The following TRABD2B variants were observed in gnomAD, a reference collection of about 807,000 sequenced individuals.
TRABD2B encodes the protein TraB domain containing 2B, also known as metalloprotease TIKI2.
Under a neutral mutation model 40.1 loss-of-function variants are expected in TRABD2B, and 14 were observed. That is an observed-to-expected ratio of 0.35 (90% CI 0.23 to 0.55). The LOEUF (loss-of-function observed/expected upper bound fraction) is 0.55. Among genes scored for constraint, TRABD2B ranks in the 20% least tolerant of loss-of-function variants. TRABD2B has a pLI of 0.90. For missense variants in TRABD2B, 541 were observed against 648.6 expected (o/e 0.83, Z 1.80); for synonymous variants, 263 against 277.0 (o/e 0.95, Z 0.50).
chr1:47,838,929 G>A (rs1645356018), intron 2 of TRABD2B, among the ~76,000 whole-genome samples: 1 of 152,222 alleles, frequency 6.6e-6, no homozygotes, highest in South Asian at 2.1e-4. Context: ...GAAAGCTGGA[G>A]CTCCAGCTGG....
At chr1:47,850,023 C>A (rs965786615) in intron 2 of TRABD2B, among the ~76,000 whole-genome samples, 2 of 152,244 alleles carry the variant, frequency 1.3e-5, no homozygotes, top group African/African-American at 4.8e-5. Context: ...AGATCAAATT[C>A]CCCTGCCTTG....
At chr1:47,950,991 C>G (rs535888979) in intron 2 of TRABD2B, among the ~76,000 whole-genome samples, 2 of 152,342 alleles carry the variant, frequency 1.3e-5, no homozygotes, top group South Asian at 4.1e-4. Flanking sequence ...GTGCCCCACA[C>G]AGAGCAGGCC....
At chr1:47,881,169 G>A (rs140268383) in intron 2 of TRABD2B, among the ~76,000 whole-genome samples, 48 of 152,274 alleles carry the variant, frequency 3.2e-4, no homozygotes, top group African/African-American at 1.1e-3. Context: ...GATCAACTTG[G>A]GTTGCAGTGG....
chr1:47,836,823 A>G (rs1455530735), intron 2 of TRABD2B, among the ~76,000 whole-genome samples: 1 of 152,184 alleles, frequency 6.6e-6, no homozygotes, highest in Non-Finnish European at 1.5e-5. Context: ...CAGCTAGAAG[A>G]CTGCCTTTTA....
intron 2 of TRABD2B, among the ~76,000 whole-genome samples, chr1:47,840,059 G>T (rs971900762): frequency 2.6e-5 from 4 of 152,158 alleles, no homozygotes; most frequent in African/African-American, 9.7e-5. Flanking sequence ...GGCCTGGGGT[G>T]CAGCCCAGGG....
chr1:47,867,854 A>G (rs539681037), intron 2 of TRABD2B, among the ~76,000 whole-genome samples: 1 of 152,350 alleles, frequency 6.6e-6, no homozygotes, highest in African/African-American at 2.4e-5. Context: ...ATGTGGCTGG[A>G]ATCAATAACA....
chr1:47,997,084 G>A lies in TRABD2B; in HGVS notation c.-295C>T. The A allele has an allele frequency of 1.0e-6, 1 of 984,036 alleles. No homozygotes were observed. Among genetic ancestry groups the A allele is most frequent in the Non-Finnish European group, 1.2e-6 (1 of 829,072 alleles). The allele number at this position is 984,036 out of a possible 1,614,324, so 61.0% of individuals were successfully genotyped here. A position where few individuals can be genotyped will look rare whatever the true frequency, so the allele number is the denominator to read the frequency against. On this transcript the variant is annotated 5_prime_UTR_variant, in exon 1 of 7. Transcript: ENST00000606738. ...GCGTGTTGGGGTCCGGGGGCGCGCG[G>A]GGTCCCGGAGCTGCGTCGCGGTCCA...
chr1:47,936,994 TCAC>T (rs1300819990), intron 2 of TRABD2B, among the ~76,000 whole-genome samples: 36 of 147,800 alleles, frequency 2.4e-4, no homozygotes, highest in East Asian at 1.0e-3. Flanking sequence ...ACCATCATGA[TCAC>T]CACCATCACC....
At chr1:47,893,877 A>G (rs1644482660) in intron 2 of TRABD2B, among the ~76,000 whole-genome samples, 1 of 152,040 alleles carries the variant, frequency 6.6e-6, no homozygotes, top group African/African-American at 2.4e-5. Context: ...CTGCTTCAGG[A>G]TCCTGGCTTT....
chr1:47,977,395 G>A (rs1326072383), intron 2 of TRABD2B, among the ~76,000 whole-genome samples: 1 of 152,112 alleles, frequency 6.6e-6, no homozygotes, highest in African/African-American at 2.4e-5. Context: ...TTTAATATGT[G>A]AGTTAGAAGG....
At chr1:47,959,871 T>A (rs1169302605) in intron 2 of TRABD2B, among the ~76,000 whole-genome samples, 2 of 152,152 alleles carry the variant, frequency 1.3e-5, no homozygotes, top group African/African-American at 4.8e-5. Context: ...GAGGCCAGCA[T>A]CATCCTCATA....
chr1:47,909,619 C>T (rs1323073336), intron 2 of TRABD2B, among the ~76,000 whole-genome samples: 1 of 149,488 alleles, frequency 6.7e-6, no homozygotes, highest in Non-Finnish European at 1.5e-5. Flanking sequence ...CTCTTTTAAA[C>T]GACCGGATCT....
intron 2 of TRABD2B, among the ~76,000 whole-genome samples, chr1:47,941,039 C>G (rs984378183): frequency 6.6e-6 from 1 of 152,168 alleles, no homozygotes; most frequent in Non-Finnish European, 1.5e-5. Context: ...CCCAAAACAT[C>G]TTGTGCTTCT....
chr1:47,812,328 C>T (rs1644976129), intron 2 of TRABD2B, among the ~76,000 whole-genome samples: 1 of 152,172 alleles, frequency 6.6e-6, no homozygotes, highest in Non-Finnish European at 1.5e-5. Context: ...AATAATAAAA[C>T]ACAGAGGTTG....
intron 2 of TRABD2B, among the ~76,000 whole-genome samples, chr1:47,838,523 T>C (rs1236918289): frequency 6.6e-6 from 1 of 152,192 alleles, no homozygotes; most frequent in Non-Finnish European, 1.5e-5. Context: ...CATTAACTTC[T>C]CTGAATCTTC....
chr1:47,977,693 A>AC (rs201146647), intron 2 of TRABD2B, among the ~76,000 whole-genome samples: 4 of 151,448 alleles, frequency 2.6e-5, no homozygotes, highest in African/African-American at 7.3e-5. Flanking sequence ...AAAAAAAAAA[A>AC]AACACACAGG....
chr1:47,778,601 G>C, intron 4 of TRABD2B, 57 bp from the exon 5 acceptor site: 1 of 1,303,888 alleles, frequency 7.7e-7, no homozygotes, highest in Admixed American at 2.0e-5. Flanking sequence ...GGCCACAGGG[G>C]ACTGCCCCAG....
At chr1:47,844,240 C>A (rs1002276037) in intron 2 of TRABD2B, among the ~76,000 whole-genome samples, 8 of 152,106 alleles carry the variant, frequency 5.3e-5, no homozygotes, top group Non-Finnish European at 7.4e-5. Flanking sequence ...TATAGGCCAC[C>A]CTTTGAATAG....
intron 2 of TRABD2B, among the ~76,000 whole-genome samples, chr1:47,984,747 A>G (rs573948688): frequency 6.6e-6 from 1 of 152,144 alleles, no homozygotes; most frequent in East Asian, 1.9e-4. Context: ...TTCTTCCAGG[A>G]AGCCTTCCTG....
Sources: gnomAD v4.1 joint callset for allele counts (sites outside exome capture counted in the v4.1 genomes callset) on GRCh38, gnomAD v4.1.1 for gene constraint, MANE v1.5 for transcripts, NCBI Gene and HGNC (gene_info 2026-07-23, HGNC 2026-07-21) for gene names.